KATNAL2: variants seen among roughly 807,000 people sequenced by gnomAD.
KATNAL2 encodes katanin catalytic subunit A1 like 2, also known as katanin p60 ATPase-containing subunit A-like 2.
In KATNAL2, 52 loss-of-function variants were observed where a neutral mutation model predicts 76.3. That is an observed-to-expected ratio of 0.68 (90% CI 0.55 to 0.86). KATNAL2 has a LOEUF of 0.86. KATNAL2 is among the 40% of genes least tolerant of loss of function. The probability of loss-of-function intolerance (pLI) is 0.00; values close to 1 mark genes in which losing one functional copy is unlikely to be tolerated. For synonymous variants in KATNAL2, 243 were observed against 244.2 expected, an observed-to-expected ratio of 1.00 and a Z score of 0.05; for missense variants, 660 against 668.9, an observed-to-expected ratio of 0.99 and a Z score of 0.15.
At chr18:46,938,712 C>T (rs1379232436) in intron 1 of KATNAL2, among the ~76,000 whole-genome samples, 1 of 152,060 alleles carries the variant, frequency 6.6e-6, no homozygotes, top group Non-Finnish European at 1.5e-5. Flanking sequence ...CCCTCCTATT[C>T]AAAATCTTTC....
In KATNAL2 at chr18:46,946,170, A is replaced by G. The variant is rs1048076312; in HGVS notation, c.-396A>G. On this transcript the variant is annotated 5_prime_UTR_variant, in exon 2 of 18. Transcript: ENST00000683218. ...GATAATTTGGAATAGGATTCACAGC[A>G]AGAGAGACAGAAGGGAAAGACATTG... 3 of 984,724 alleles carry G rather than the reference A, an allele frequency of 3.0e-6. No individual in the cohort carries two copies. Among genetic ancestry groups the G allele is most frequent in the African/African-American group, 3.5e-5 (2 of 57,152 alleles). The allele number at this position is 984,724 out of a possible 1,614,324, so 61.0% of individuals were successfully genotyped here. A position where few individuals can be genotyped will look rare whatever the true frequency, so the allele number is the denominator to read the frequency against.
intron 1 of KATNAL2, among the ~76,000 whole-genome samples, chr18:46,945,687 T>C (rs2059366745): frequency 6.6e-6 from 1 of 152,248 alleles, no homozygotes; most frequent in Non-Finnish European, 1.5e-5. Flanking sequence ...AATTGGGGCA[T>C]TAATAACTTC....
intron 1 of KATNAL2, among the ~76,000 whole-genome samples, chr18:46,934,047 T>C (rs1477681130): frequency 6.6e-6 from 1 of 151,790 alleles, no homozygotes; most frequent in Admixed American, 6.6e-5. Context: ...CAGTCTGTCA[T>C]TGTTGGACAT....
intron 1 of KATNAL2, among the ~76,000 whole-genome samples, chr18:46,926,788 A>G (rs1179836781): frequency 6.6e-6 from 1 of 152,078 alleles, no homozygotes; most frequent in East Asian, 1.9e-4. Flanking sequence ...GTGCATATAT[A>G]TTTAGGATAG....
intron 3 of KATNAL2, among the ~76,000 whole-genome samples, chr18:46,948,494 GGCT>G (rs2059450271): frequency 7.2e-6 from 1 of 138,338 alleles, no homozygotes; most frequent in Non-Finnish European, 1.6e-5. Flanking sequence ...GTGTGATCTT[GGCT>G]CACCGCAACC....
At chr18:47,031,354 C>T (rs1213504182) in intron 3 of KATNAL2, among the ~76,000 whole-genome samples, 4 of 152,016 alleles carry the variant, frequency 2.6e-5, no homozygotes, top group South Asian at 2.1e-4. Flanking sequence ...GCTTTTGTTT[C>T]TGCTGTCGTT....
chr18:47,035,013 C>A (rs770516588), intron 3 of KATNAL2: 8 of 1,611,574 alleles, frequency 5.0e-6, no homozygotes, highest in Non-Finnish European at 5.9e-6. Flanking sequence ...GTGGGCCAGG[C>A]CGGGTGTTTC....
At chr18:47,061,470 A>T (rs1328336224) in intron 8 of KATNAL2, among the ~76,000 whole-genome samples, 2 of 152,146 alleles carry the variant, frequency 1.3e-5, no homozygotes, top group African/African-American at 4.8e-5. Flanking sequence ...CTTTCATGAG[A>T]GTTCCTCCCC....
chr18:47,079,835 G>A (rs1259556014), intron 15 of KATNAL2, among the ~76,000 whole-genome samples: 2 of 151,998 alleles, frequency 1.3e-5, no homozygotes, highest in Non-Finnish European at 1.5e-5. Context: ...GAATTTTTTG[G>A]CAAACACACT....
At position 47,069,596 on chromosome 18, in the gene KATNAL2, T is replaced by C; in HGVS notation, c.1004T>C (p.Val335Ala). 1 of 1,604,020 alleles carries C rather than the reference T, an allele frequency of 6.2e-7. No homozygotes were observed. The highest frequency in any genetic ancestry group is 8.5e-7 in the Non-Finnish European group (1 of 1,171,536). ...SKWRGDSEKL[V>A]RVLFELARYH... is the part of the protein sequence containing the mutation. ...TGGAGAGGGGATTCAGAAAAACTCG[T>C]TCGGGTAGGAATTCTTAATTTTGTT... The change falls in exon 13 of 18, where the codon GTT becomes GCT. Residue 335 changes from valine to alanine, a missense_variant. Transcript: ENST00000683218.
rs181261775 is a variant in KATNAL2 at position 46,951,193 on chromosome 18, T to C, written c.51+4270T>C. On this transcript the variant is annotated intron_variant, in intron 3 of 17. Coordinates refer to ENST00000683218, the MANE Select transcript of KATNAL2 (RefSeq NM_001387690.1). Reference sequence around the variant, plus strand: ...ATTTTCAGTATTAATATTAATCCGATTGTATAAATACTATTTAGAGCTGAG... The same window carrying C: ...ATTTTCAGTATTAATATTAATCCGACTGTATAAATACTATTTAGAGCTGAG... 1.1e-4 allele frequency among the ~76,000 whole-genome samples: 16 copies of C among 152,322 alleles called. No homozygotes were observed. The East Asian group carries it at 2.3e-3, about 22-fold the overall frequency.
At chr18:47,062,949 A>G in intron 8 of KATNAL2, 23 bp from the exon 9 acceptor site, 2 of 1,579,054 alleles carry the variant, frequency 1.3e-6, no homozygotes, top group Non-Finnish European at 1.7e-6. Flanking sequence ...CTCATGGCAT[A>G]AATAACCATT....
At chr18:46,927,557 T>A (rs1398615160) in intron 1 of KATNAL2, among the ~76,000 whole-genome samples, 1 of 152,134 alleles carries the variant, frequency 6.6e-6, no homozygotes, top group Non-Finnish European at 1.5e-5. Context: ...CTGACAATTA[T>A]GTGTCTTGGA....
chr18:46,956,425 G>A (rs1001747408), intron 3 of KATNAL2, among the ~76,000 whole-genome samples: 2 of 151,936 alleles, frequency 1.3e-5, no homozygotes, highest in South Asian at 2.1e-4. Context: ...TTTCTTTCTG[G>A]TCTCCTTGAT....
intron 3 of KATNAL2, among the ~76,000 whole-genome samples, chr18:47,039,461 TC>T (rs887356865): frequency 6.6e-6 from 1 of 152,150 alleles, no homozygotes; most frequent in Non-Finnish European, 1.5e-5. Flanking sequence ...TCTTCCAGGA[TC>T]TTTTTTTTTC....
chr18:47,062,943 T>G, intron 8 of KATNAL2, 29 bp from the exon 9 acceptor site: 2 of 1,546,822 alleles, frequency 1.3e-6, no homozygotes, highest in East Asian at 2.2e-5. Flanking sequence ...TATGTTCTCA[T>G]GGCATAAATA....
intron 9 of KATNAL2, 95 bp from the exon 10 acceptor site, chr18:47,063,189 C>A: frequency 1.4e-6 from 2 of 1,430,746 alleles, no homozygotes; most frequent in Non-Finnish European, 2.0e-6. Context: ...AGCCACCTGC[C>A]ATCGTTTGTT....
At chr18:46,919,005 ATATGTGTGTG>A (rs984135101) in intron 1 of KATNAL2, among the ~76,000 whole-genome samples, 13 of 147,180 alleles carry the variant, frequency 8.8e-5, no homozygotes, top group African/African-American at 1.6e-4. Flanking sequence ...GTATATATAT[ATATGTGTGTG>A]TGTGTGTGTG....
At chr18:46,956,051 A>T (rs1226362489) in intron 3 of KATNAL2, among the ~76,000 whole-genome samples, 2 of 152,248 alleles carry the variant, frequency 1.3e-5, no homozygotes, top group Non-Finnish European at 2.9e-5. Context: ...TATGATTCAT[A>T]TCTAAAATAT....
Sources: gnomAD v4.1 joint callset for allele counts (sites outside exome capture counted in the v4.1 genomes callset) on GRCh38, gnomAD v4.1.1 for gene constraint, MANE v1.5 for transcripts, NCBI Gene and HGNC (gene_info 2026-07-23, HGNC 2026-07-21) for gene names.